IL1R1: variants seen among roughly 807,000 people sequenced by gnomAD.
IL1R1 encodes interleukin-1 receptor type 1.
In IL1R1, 22 loss-of-function variants were observed where a neutral mutation model predicts 50.2. The observed-to-expected ratio is 0.44, with a 90% confidence interval of 0.31 to 0.63. The LOEUF (loss-of-function observed/expected upper bound fraction) is 0.63, where lower values mean the gene tolerates loss of function less well. IL1R1 is among the 20% of genes least tolerant of loss of function. IL1R1 has a pLI of 0.07. For missense variants in IL1R1, 509 were observed against 676.2 expected, an observed-to-expected ratio of 0.75 and a Z score of 2.74; for synonymous variants, 251 against 236.7, an observed-to-expected ratio of 1.06 and a Z score of -0.55.
At chr2:102,099,144 TAAAC>T (rs1382681172) in intron 1 of IL1R1, among the ~76,000 whole-genome samples, 1 of 152,316 alleles carries the variant, frequency 6.6e-6, no homozygotes, top group East Asian at 1.9e-4. Context: ...AAAAAGGAGT[TAAAC>T]AAAGTCTGTA....
chr2:102,157,650 A>C (rs1436470606), intron 2 of IL1R1, 69 bp from the exon 3 acceptor site: 2 of 964,852 alleles, frequency 2.1e-6, no homozygotes, highest in Admixed American at 3.8e-5. Flanking sequence ...TGGTATATTT[A>C]GTTTTAGAGA....
At chr2:102,119,926 G>A (rs1215487022) in intron 1 of IL1R1, among the ~76,000 whole-genome samples, 1 of 152,090 alleles carries the variant, frequency 6.6e-6, no homozygotes, top group Non-Finnish European at 1.5e-5. Context: ...GATGAAAAAT[G>A]TATATATTTT....
chr2:102,164,957 G>T lies in IL1R1; in HGVS notation c.245G>T (p.Trp82Leu), dbSNP rs748718957. 6.4e-5 allele frequency: 103 copies of T among 1,613,902 alleles called. No individual in the cohort carries two copies. Among genetic ancestry groups the T allele is most frequent in the Middle Eastern group, 1.6e-4 (1 of 6,082 alleles). Residue 82 changes from tryptophan to leucine, a missense_variant, in exon 4 of 12, where the codon TGG becomes TTG. Coordinates refer to ENST00000410023, the MANE Select transcript of IL1R1 (RefSeq NM_000877.4). ...SRIHQHKEKL[W>L]FVPAKVEDSG... is the part of the protein sequence containing the mutation. ...ATTCATCAACACAAAGAGAAACTTT[G>T]GTTTGTTCCTGCTAAGGTGGAGGAT...
intron 1 of IL1R1, among the ~76,000 whole-genome samples, chr2:102,099,468 C>T (rs1041698172): frequency 1.3e-5 from 2 of 152,172 alleles, no homozygotes; most frequent in African/African-American, 4.8e-5. Flanking sequence ...GGCCTTCGTT[C>T]CATCTCTGGG....
At chr2:102,118,879 G>A (rs932366474) in intron 1 of IL1R1, among the ~76,000 whole-genome samples, 3 of 151,870 alleles carry the variant, frequency 2.0e-5, no homozygotes, top group Non-Finnish European at 2.9e-5. Context: ...TTAGCCAGGC[G>A]TGGTGGCAGG....
chr2:102,127,875 A>G (rs1681811600), intron 1 of IL1R1, among the ~76,000 whole-genome samples: 1 of 152,138 alleles, frequency 6.6e-6, no homozygotes, highest in Non-Finnish European at 1.5e-5. Flanking sequence ...AAATGAAGAG[A>G]AACAAAACCA....
At chr2:102,116,018 AT>A (rs1681051068) in intron 1 of IL1R1, among the ~76,000 whole-genome samples, 3 of 152,200 alleles carry the variant, frequency 2.0e-5, no homozygotes, top group Admixed American at 2.0e-4. Context: ...CAGTATTTAT[AT>A]GGCGAATCTG....
intron 1 of IL1R1, among the ~76,000 whole-genome samples, chr2:102,135,380 C>A (rs973177889): frequency 6.6e-6 from 1 of 152,114 alleles, no homozygotes; most frequent in Non-Finnish European, 1.5e-5. Context: ...ACACTCCTCA[C>A]CCCTACAAAG....
At position 102,148,819 on chromosome 2, in the gene IL1R1, T is replaced by A. The variant is rs143603573; in HGVS notation, c.-83-5122T>A. Among the ~76,000 whole-genome samples, 55 of 152,276 alleles carry A rather than the reference T, an allele frequency of 3.6e-4. 1 individual carries two copies. In the East Asian group the frequency reaches 0.011, roughly 29 times the overall value. ...AAACTGACATTTTTGTTTTTAACAA[T>A]GATGGGGACTTTTTAATAGCTGTAT... On this transcript the variant is annotated intron_variant, in intron 1 of 11. Transcript: ENST00000410023.
At chr2:102,105,804 C>A (rs547291043) in intron 1 of IL1R1, among the ~76,000 whole-genome samples, 8 of 152,308 alleles carry the variant, frequency 5.3e-5, no homozygotes, top group Middle Eastern at 3.4e-3. Context: ...TTTTCTCCCC[C>A]CTTCAGAAGC....
rs756591538 is a variant in IL1R1 at position 102,166,193 on chromosome 2, G to C, written c.567G>C (p.Lys189Asn). Residue 189 changes from lysine to asparagine, a missense_variant, in exon 6 of 12, where the codon AAG becomes AAC. By Grantham distance (94) the Lys-to-Asn change is moderately conservative. Transcript: ENST00000410023. ...DRLIVMNVAE[K>N]HRGNYTCHAS... is the part of the protein sequence containing the mutation. ...TCATCGTGATGAATGTGGCTGAAAA[G>C]CATAGAGGGAACTATACTTGTCATG... The C allele has an allele frequency of 6.2e-7, 1 of 1,613,758 alleles. No individual in the cohort carries two copies. The highest frequency in any genetic ancestry group is 1.1e-5 in the South Asian group (1 of 91,068).
At position 102,168,682 on chromosome 2, in the gene IL1R1, G is replaced by C. The variant is rs3213736; in HGVS notation, c.721+19G>C. On this transcript the variant is annotated intron_variant, in intron 7 of 11. Coordinates refer to ENST00000410023, the MANE Select transcript of IL1R1 (RefSeq NM_000877.4). ...GACTTGGGTAAGTGGGCTTCAGTGA[G>C]GGTATGCTGGAATCGGTTTTTTTTT... 15,785 of 1,577,968 alleles carry C rather than the reference G, an allele frequency of 0.01. 1,138 individuals are homozygous for C. The East Asian group carries it at 0.21, about 21-fold the overall frequency.
chr2:102,126,756 T>A lies in IL1R1; in HGVS notation c.-84+21884T>A, dbSNP rs146416516. On this transcript the variant is annotated intron_variant, in intron 1 of 10. Coordinates refer to the IL1R1 transcript ENST00000409329. ...TAGGTTATAGCTAATTCCCAGGCAC[T>A]GTCTGTAGAGATTCTGCTCAGGTAG... Among the ~76,000 whole-genome samples, 317 of 152,304 alleles carry A rather than the reference T, an allele frequency of 2.1e-3. 1 individual carries two copies. The highest frequency in any genetic ancestry group is 2.5e-3 in the Non-Finnish European group (167 of 68,014).
intron 1 of IL1R1, among the ~76,000 whole-genome samples, chr2:102,097,823 T>C (rs1679971167): frequency 6.6e-6 from 1 of 152,064 alleles, no homozygotes. Flanking sequence ...TAAATGATAT[T>C]TGAGTGAGTT....
intron 1 of IL1R1, among the ~76,000 whole-genome samples, chr2:102,079,772 T>A (rs553270263): frequency 6.6e-6 from 1 of 152,272 alleles, no homozygotes; most frequent in East Asian, 1.9e-4. Flanking sequence ...ATGCAAAGGA[T>A]GGAGAATATC....
intron 1 of IL1R1, among the ~76,000 whole-genome samples, chr2:102,084,495 T>C (rs1679355293): frequency 6.6e-6 from 1 of 152,196 alleles, no homozygotes; most frequent in Admixed American, 6.5e-5. Flanking sequence ...AGTTAACCAG[T>C]CTTATACATA....
chr2:102,156,903 G>T (rs1181543079), intron 2 of IL1R1, among the ~76,000 whole-genome samples: 1 of 152,174 alleles, frequency 6.6e-6, no homozygotes. Context: ...AAAATATTTT[G>T]TGTTTTCATA....
intron 1 of IL1R1, among the ~76,000 whole-genome samples, chr2:102,152,545 GAGTGTGGGGAGTCAC>G (rs1348012631): frequency 1.9e-5 from 2 of 105,278 alleles, no homozygotes; most frequent in Non-Finnish European, 4.0e-5. Context: ...AAAAAAAGAA[GAGTGTGGGGAGTCAC>G]CTTCTCTGCA....
At chr2:102,076,045 C>A (rs1251606979) in intron 1 of IL1R1, among the ~76,000 whole-genome samples, 9 of 152,276 alleles carry the variant, frequency 5.9e-5, no homozygotes, top group African/African-American at 2.2e-4. Flanking sequence ...TATTGCTGCA[C>A]ATTTTCCTTC....
Sources: allele counts gnomAD v4.1 joint callset (sites outside exome capture counted in the v4.1 genomes callset), GRCh38; gene constraint gnomAD v4.1.1; transcripts MANE v1.5; gene names NCBI Gene and HGNC (gene_info 2026-07-23, HGNC 2026-07-21).